The following LIPC variants were observed in gnomAD, a reference collection of about 807,000 sequenced individuals.
LIPC encodes the protein lipase C, hepatic type, also known as hepatic triacylglycerol lipase.
In LIPC, 44 loss-of-function variants were observed where a neutral mutation model predicts 50.7. The ratio of observed to expected loss-of-function variants is 0.87; its 90% confidence interval spans 0.68 to 1.11. The LOEUF (loss-of-function observed/expected upper bound fraction) is 1.11, where lower values mean the gene tolerates loss of function less well. LIPC is among the 50% of genes most tolerant of loss of function. The pLI, the probability that LIPC is intolerant of heterozygous loss-of-function variation, is 0.00. For synonymous variants in LIPC, 271 were observed against 256.4 expected, an observed-to-expected ratio of 1.06 and a Z score of -0.54; for missense variants, 697 against 648.2, an observed-to-expected ratio of 1.08 and a Z score of -0.82.
intron 7 of LIPC, among the ~76,000 whole-genome samples, chr15:58,563,260 C>T (rs567449477): frequency 5.3e-5 from 8 of 152,116 alleles, no homozygotes; most frequent in Middle Eastern, 3.4e-3. Flanking sequence ...TGGGACTTCT[C>T]GGAGCCTTTT....
intron 1 of LIPC, among the ~76,000 whole-genome samples, chr15:58,519,766 G>A (rs1436343876): frequency 3.3e-5 from 5 of 152,184 alleles, no homozygotes; most frequent in Non-Finnish European, 7.3e-5. Flanking sequence ...GTTATTCTTG[G>A]CATCAGCAGC....
intron 1 of LIPC, among the ~76,000 whole-genome samples, chr15:58,445,963 G>C (rs1893680403): frequency 6.6e-6 from 1 of 152,182 alleles, no homozygotes; most frequent in Non-Finnish European, 1.5e-5. Context: ...TATTACAAAA[G>C]TGTTCAACTA....
intron 6 of LIPC, among the ~76,000 whole-genome samples, chr15:58,552,526 C>A (rs1893801617): frequency 6.6e-6 from 1 of 152,188 alleles, no homozygotes; most frequent in South Asian, 2.1e-4. Flanking sequence ...CCCGTGCTGC[C>A]CTTCCCCCTC....
At chr15:58,447,612 T>C (rs1032242038) in intron 1 of LIPC, among the ~76,000 whole-genome samples, 4 of 152,180 alleles carry the variant, frequency 2.6e-5, no homozygotes, top group Non-Finnish European at 4.4e-5. Context: ...AGTTTTAAGT[T>C]CTCCCAGCTT....
intron 1 of LIPC, among the ~76,000 whole-genome samples, chr15:58,499,155 T>C (rs1973028): frequency 0.39 from 59,248 of 151,812 alleles, 11,652 homozygotes; most frequent in East Asian, 0.53. Context: ...AACATGCACA[T>C]CGATCCTGAT....
chr15:58,520,113 T>TG (rs1892609549), intron 1 of LIPC, among the ~76,000 whole-genome samples: 1 of 31,982 alleles, frequency 3.1e-5, no homozygotes, highest in East Asian at 1.8e-3. Flanking sequence ...TTTTGGGCTG[T>TG]TTTTTTTTTG....
intron 1 of LIPC, among the ~76,000 whole-genome samples, chr15:58,449,839 C>T (rs751787401): frequency 1.1e-4 from 16 of 152,172 alleles, no homozygotes; most frequent in Admixed American, 2.0e-4. Flanking sequence ...CCACCATGCC[C>T]GGCCTTGGGT....
chr15:58,470,330 T>C (rs1894748066), intron 1 of LIPC, among the ~76,000 whole-genome samples: 2 of 152,180 alleles, frequency 1.3e-5, no homozygotes, highest in South Asian at 4.1e-4. Flanking sequence ...CTTTTATTTT[T>C]TATTAGGTAT....
At chr15:58,501,488 T>G (rs1035341788) in intron 1 of LIPC, among the ~76,000 whole-genome samples, 4 of 152,156 alleles carry the variant, frequency 2.6e-5, no homozygotes, top group Admixed American at 1.3e-4. Context: ...CATGTATTTT[T>G]AACATCTGCG....
chr15:58,544,818 G>C (rs1226123187), intron 4 of LIPC, among the ~76,000 whole-genome samples: 1 of 152,176 alleles, frequency 6.6e-6, no homozygotes, highest in Non-Finnish European at 1.5e-5. Flanking sequence ...GACACCAGAG[G>C]GTCCTCCAGA....
At chr15:58,521,499 G>C (rs1892650220) in intron 1 of LIPC, 1 of 152,286 alleles carries the variant, frequency 6.6e-6, no homozygotes, top group African/African-American at 2.4e-5. Context: ...GTTCCAAGCA[G>C]AAGGAATTGC....
chr15:58,539,019 G>C (rs1458114550), intron 2 of LIPC, among the ~76,000 whole-genome samples: 3 of 152,336 alleles, frequency 2.0e-5, no homozygotes, highest in African/African-American at 7.2e-5. Context: ...AAACCGGCTA[G>C]ACAGCTTTGG....
intron 1 of LIPC, among the ~76,000 whole-genome samples, chr15:58,441,945 C>T (rs1424555813): frequency 2.0e-5 from 3 of 152,108 alleles, no homozygotes; most frequent in East Asian, 3.8e-4. Context: ...TGTTTCTGTT[C>T]GGTGGGCATT....
At chr15:58,529,551 G>C (rs573915127) in intron 1 of LIPC, among the ~76,000 whole-genome samples, 2 of 152,330 alleles carry the variant, frequency 1.3e-5, no homozygotes, top group East Asian at 3.9e-4. Flanking sequence ...TCAAGACCCA[G>C]TCTACTGTCT....
At position 58,560,911 on chromosome 15, in the gene LIPC, C is replaced by A; in HGVS notation, c.1099C>A (p.Pro367Thr). ...KIQFINQTET[P>T]IQTTFTMSLL... ...CCAGTTCATCAACCAAACTGAGACA[C>A]CAATACAAACAACTTTTACCATGTC... Residue 367 changes from proline (P) to threonine (T), a missense_variant, in exon 7 of 9, where the codon CCA (proline) becomes ACA (threonine). Coordinates refer to ENST00000299022, the MANE Select transcript of LIPC (RefSeq NM_000236.3). 2 of 1,544,776 alleles carry A rather than the reference C, an allele frequency of 1.3e-6. No individual in the cohort carries two copies. Among genetic ancestry groups the A allele is most frequent in the Non-Finnish European group, 1.8e-6 (2 of 1,116,466 alleles).
chr15:58,506,049 T>C (rs868042013), intron 1 of LIPC, among the ~76,000 whole-genome samples: 4 of 152,080 alleles, frequency 2.6e-5, no homozygotes, highest in Admixed American at 6.6e-5. Flanking sequence ...ATAGAGTGGA[T>C]GGCAGCCGCC....
intron 1 of LIPC, among the ~76,000 whole-genome samples, chr15:58,507,520 C>T (rs1892190328): frequency 6.6e-6 from 1 of 152,226 alleles, no homozygotes; most frequent in African/African-American, 2.4e-5. Flanking sequence ...CCCGGCCACA[C>T]ACAAATCAGT....
Position 58,493,547 on chromosome 15 carries a change from AATTT to A in LIPC, c.89-44782_89-44779del, listed in dbSNP as rs1319409992. Among the ~76,000 whole-genome samples the A allele has an allele frequency of 1.0e-4, 3 of 29,034 alleles. No homozygotes were observed. In the East Asian group the frequency reaches 3.4e-3, roughly 33 times the overall value. 19.0% of individuals were successfully genotyped at this position (29,034 alleles called of 152,430 possible). On this transcript the variant is annotated intron_variant, in intron 1 of 8. Coordinates refer to ENST00000299022, the MANE Select transcript of LIPC (RefSeq NM_000236.3). ...AAGTATGTATTTTGTATATATACAA[AATTT>A]ATTACATATAAATAAAATTTATACA...
rs868520418 is a variant in LIPC, at chr15:58,564,505, A to G, written c.1388+782A>G. On this transcript the variant is annotated intron_variant, in intron 8 of 8. Transcript: ENST00000299022. ...CACTTTGGGAGGCCTTGGCGGGCGG[A>G]TCACCTGAGGTCAGGAGTTCAAGAC... Among the ~76,000 whole-genome samples the G allele has an allele frequency of 3.3e-5, 5 of 151,748 alleles. No homozygotes were observed. The South Asian group carries it at 1.0e-3, about 32-fold the overall frequency.
Sources: allele counts gnomAD v4.1 joint callset (sites outside exome capture counted in the v4.1 genomes callset), GRCh38; gene constraint gnomAD v4.1.1; transcripts MANE v1.5; gene names NCBI Gene and HGNC (gene_info 2026-07-23, HGNC 2026-07-21).